The following CAPN15 variants were observed in gnomAD, a reference collection of about 807,000 sequenced individuals.
CAPN15 encodes the protein calpain-15.
CAPN15 carries 53 observed loss-of-function variants against 97.9 expected under a neutral mutation model. The ratio of observed to expected loss-of-function variants is 0.54; its 90% CI spans 0.43 to 0.68. The LOEUF (loss-of-function observed/expected upper bound fraction) is 0.68, where lower values mean the gene tolerates loss of function less well. Ranked by LOEUF, CAPN15 falls within the 30% of genes least tolerant of loss-of-function variation. CAPN15 has a pLI of 0.00. For synonymous variants in CAPN15, 922 were observed against 722.5 expected (o/e 1.28, Z -4.43); for missense variants, 1,592 against 1,589.8 (o/e 1.00, Z -0.02).
chr16:528,360 G>T (rs2033004196), intron 1 of CAPN15, among the ~76,000 whole-genome samples: 1 of 152,208 alleles, frequency 6.6e-6, no homozygotes, highest in South Asian at 2.1e-4. Flanking sequence ...GGCGGCCTCG[G>T]CCCTGCCTGC....
rs2079171732 is a variant in CAPN15, at chr16:547,236, A to C, written c.398A>C (p.Glu133Ala). ...GACAAGGACGAGGAGGAGAAGGAGGAGCAGGAGGAGGAGGAGGGAGCGGCG... is the reference window on the plus strand; with the variant it reads ...GACAAGGACGAGGAGGAGAAGGAGGCGCAGGAGGAGGAGGAGGGAGCGGCG... ...CEDKDEEEKE[E>A]QEEEEGAAEP... The change falls in exon 4 of 14, where the codon GAG (glutamate) becomes GCG (alanine). Residue 133 changes from glutamate (E) to alanine (A), a missense_variant. Glu to Ala is a moderately radical substitution (Grantham distance 107). Transcript: ENST00000219611. 1 of 1,518,834 alleles carries C rather than the reference A, an allele frequency of 6.6e-7. No individual in the cohort carries two copies. Among genetic ancestry groups the C allele is most frequent in the South Asian group, 1.3e-5 (1 of 79,584 alleles). 94.1% of individuals were successfully genotyped at this position (1,518,834 alleles called of 1,614,324 possible).
At position 553,673 on chromosome 16, in the gene CAPN15, C is replaced by G. The variant is rs2035269748; in HGVS notation, c.*157C>G. 3.7e-6 allele frequency: 2 copies of G among 536,246 alleles called. No individual in the cohort carries two copies. Among genetic ancestry groups the G allele is most frequent in the Non-Finnish European group, 6.5e-6 (2 of 309,306 alleles). 33.2% of individuals were successfully genotyped at this position (536,246 alleles called of 1,614,324 possible). A position where few individuals can be genotyped will look rare whatever the true frequency, so the allele number is the denominator to read the frequency against. The stretch of plus-strand genomic sequence containing the variant: ...GCTCAGCTTCCCATGGGCCCCCCGC[C>G]CCCCTCCTTCCCCTCCCTGAACCCC... On this transcript the variant is annotated 3_prime_UTR_variant, in exon 14 of 14. Transcript: ENST00000219611.
intron 5 of CAPN15, 26 bp downstream of exon 5, chr16:549,227 G>A (rs1488840577): frequency 3.2e-6 from 5 of 1,542,880 alleles, no homozygotes; most frequent in Non-Finnish European, 4.4e-6. Flanking sequence ...AGGCCGGGGT[G>A]GGGCGGGTGG....
At chr16:533,311 G>A (rs2033406662) in intron 1 of CAPN15, among the ~76,000 whole-genome samples, 1 of 152,264 alleles carries the variant, frequency 6.6e-6, no homozygotes, top group South Asian at 2.1e-4. Flanking sequence ...GGCCCAGGAA[G>A]GACAGGGCGG....
chr16:552,528 A>T lies in CAPN15; in HGVS notation c.2735A>T (p.Gln912Leu). ...CCCCTGCCGGGCACCCCTGCCCCCC[A>T]GGGTACGTGGCCCCTACCCCAGGCT... ...GPPLPGTPAPQASSPSAGVPR... is the reference protein window; with the variant it reads ...GPPLPGTPAPLASSPSAGVPR... The change falls in exon 11 of 14, where the codon CAG (glutamine) becomes CTG (leucine). Residue 912 changes from glutamine to leucine, a missense_variant and splice_region_variant. Physicochemically the swap from Gln to Leu is moderately radical, Grantham distance 113. Around this residue, in one of 3 missense-constraint regions of CAPN15, gnomAD observed 644 missense variants for 699.6 expected, o/e 0.92. Coordinates refer to ENST00000219611, the MANE Select transcript of CAPN15 (RefSeq NM_005632.3). The surrounding 1 kb of genome is among the most constrained non-coding windows in gnomAD (Gnocchi z 6.4). 3.8e-6 allele frequency: 6 copies of T among 1,597,748 alleles called. No individual in the cohort carries two copies. The highest frequency in any genetic ancestry group is 5.1e-6 in the Non-Finnish European group (6 of 1,176,392).
chr16:544,896 G>GT (rs1312295215), intron 3 of CAPN15, among the ~76,000 whole-genome samples: 1 of 119,336 alleles, frequency 8.4e-6, no homozygotes, highest in Non-Finnish European at 1.7e-5. Context: ...CTCCCCCCAC[G>GT]TCGTCGTCTC....
Position 547,584 on chromosome 16 carries a change from G to A in CAPN15, c.746G>A (p.Arg249His), listed in dbSNP as rs768437059. The A allele has an allele frequency of 7.0e-6, 11 of 1,579,480 alleles. 1 individual carries two copies. The highest frequency in any genetic ancestry group is 2.2e-5 in the South Asian group (2 of 90,022). ...AACAACCCCGTGCCGCGCAGCCGACGCGAGGTTCCCCCCCAGCTGCAGCCA... is the reference window on the plus strand; with the variant it reads ...AACAACCCCGTGCCGCGCAGCCGACACGAGGTTCCCCCCCAGCTGCAGCCA... ...LQNNPVPRSR[R>H]EVPPQLQPPV... Residue 249 changes from arginine to histidine, a missense_variant, in exon 4 of 14, where the codon CGC becomes CAC. Physicochemically the swap from Arg to His is conservative, Grantham distance 29. This residue lies in a region of CAPN15 where 883 missense variants were observed against 776.6 expected (regional missense o/e 1.14). Transcript: ENST00000219611.
intron 1 of CAPN15, among the ~76,000 whole-genome samples, chr16:529,092 G>T (rs1212176795): frequency 1.3e-5 from 2 of 151,792 alleles, no homozygotes; most frequent in Admixed American, 1.3e-4. Context: ...CTTGGGTTGG[G>T]TGTGCCTTGC....
chr16:542,929 T>TG (rs909046273), intron 3 of CAPN15, among the ~76,000 whole-genome samples: 1 of 152,100 alleles, frequency 6.6e-6, no homozygotes, highest in Non-Finnish European at 1.5e-5. Context: ...CGGGCACCTA[T>TG]AATCCTAGCT....
chr16:534,227 C>CCGTCGGGGCCGTGGTCCTGTCGTGGGAGG (rs1184343290), intron 2 of CAPN15, among the ~76,000 whole-genome samples: 1 of 152,344 alleles, frequency 6.6e-6, no homozygotes. Flanking sequence ...GCCCGGGGTC[C>CCGTCGGGGCCGTGGTCCTGTCGTGGGAGG]CGACAGGGGT....
intron 3 of CAPN15, among the ~76,000 whole-genome samples, chr16:541,354 G>A (rs768970887): frequency 1.4e-4 from 21 of 152,278 alleles, no homozygotes; most frequent in South Asian, 1.0e-3. Flanking sequence ...ACAGGGAGAC[G>A]CGGCAGAGGC....
intron 9 of CAPN15, 151 bp downstream of exon 9, chr16:551,815 C>G (rs1491003627): frequency 9.9e-6 from 11 of 1,107,278 alleles, no homozygotes; most frequent in Middle Eastern, 2.0e-4. Context: ...TCCAAGGTGC[C>G]AACCTCAGAA....
intron 7 of CAPN15, among the ~76,000 whole-genome samples, chr16:550,826 T>TCCCC (rs2034972933): frequency 4.7e-5 from 1 of 21,096 alleles, no homozygotes; most frequent in Non-Finnish European, 8.1e-5. Flanking sequence ...TCGGTGAGGG[T>TCCCC]GCCCCGTCGG....
chr16:538,054 C>G (rs2266931), intron 3 of CAPN15: 56,737 of 152,170 alleles, frequency 0.37, 10,771 homozygotes, highest in South Asian at 0.56. Context: ...GTCGCCAAGG[C>G]TTGTTTTGTC....
Position 551,591 on chromosome 16 carries a change from C to T in CAPN15, c.2272C>T (p.His758Tyr). 2 of 1,610,006 alleles carry T rather than the reference C, an allele frequency of 1.2e-6. No individual in the cohort carries two copies. The highest frequency in any genetic ancestry group is 8.5e-7 in the Non-Finnish European group (1 of 1,179,346). Residue 758 changes from histidine to tyrosine, a missense_variant, in exon 9 of 14, where the codon CAC becomes TAC. Coordinates refer to ENST00000219611, the MANE Select transcript of CAPN15 (RefSeq NM_005632.3). ...CGACGAGTGGCCACACTGGCCGGGG[C>T]ACCTGCGTGGCGAGCTCATGCCGCA... ...WSDEWPHWPGHLRGELMPHGS... is the reference protein window; with the variant it reads ...WSDEWPHWPGYLRGELMPHGS...
rs766983492 is a variant in CAPN15 at position 551,366 on chromosome 16, C to G, written c.2131C>G (p.Leu711Val). The G allele has an allele frequency of 4.0e-5, 65 of 1,610,182 alleles. No homozygotes were observed. The highest frequency in any genetic ancestry group is 5.0e-5 in the Non-Finnish European group (59 of 1,178,978). ...GGTGGACGATTCGGCCTACGAGAGC[C>G]TGGGCCTGCGCCCCCGGCATGCCTA... ...MKVDDSAYES[L>V]GLRPRHAYSI... The change falls in exon 8 of 14, where the codon CTG (leucine) becomes GTG (valine). Residue 711 changes from leucine to valine, a missense_variant. By Grantham distance (32) the Leu-to-Val change is conservative. Around this residue, in one of 3 missense-constraint regions of CAPN15, gnomAD observed 644 missense variants for 699.6 expected, o/e 0.92. Coordinates refer to ENST00000219611, the MANE Select transcript of CAPN15 (RefSeq NM_005632.3).
chr16:551,285 G>A lies in CAPN15; in HGVS notation c.2067-17G>A. On this transcript the variant is annotated splice_polypyrimidine_tract_variant and intron_variant, in intron 7 of 13. Transcript: ENST00000219611. ...TCGGTGAGGGTCCCGGTCGGTGAGG[G>A]CCGCTCTGCCACACAGGTTCCTCAT... is the stretch of plus-strand genomic sequence containing the variant. 1 of 1,578,796 alleles carries A rather than the reference G, an allele frequency of 6.3e-7. No homozygotes were observed. Among genetic ancestry groups the A allele is most frequent in the South Asian group, 1.1e-5 (1 of 87,290 alleles).
chr16:552,377 C>T lies in CAPN15; in HGVS notation c.2584C>T (p.His862Tyr), dbSNP rs201916775. ...CCGGGCCACGTTCGGCAGCGGCGGCCACCTCAGCCTGGGCCGCCTCCTGGC... is the reference window on the plus strand; with the variant it reads ...CCGGGCCACGTTCGGCAGCGGCGGCTACCTCAGCCTGGGCCGCCTCCTGGC... ...VFRATFGSGGHLSLGRLLAHS... is the reference protein window; with the variant it reads ...VFRATFGSGGYLSLGRLLAHS... Residue 862 changes from histidine to tyrosine, a missense_variant, in exon 11 of 14, where the codon CAC (histidine) becomes TAC (tyrosine). Physicochemically the swap from His to Tyr is moderately conservative, Grantham distance 83. This residue lies in a region of CAPN15 where 644 missense variants were observed against 699.6 expected (regional missense o/e 0.92). Coordinates refer to ENST00000219611, the MANE Select transcript of CAPN15 (RefSeq NM_005632.3). This position sits in a 1 kb window ranked among gnomAD's most constrained non-coding sequence, Gnocchi z 6.4. The T allele has an allele frequency of 2.6e-4, 422 of 1,603,256 alleles. No homozygotes were observed. The highest frequency in any genetic ancestry group is 3.8e-4 in the South Asian group (34 of 90,532).
chr16:548,308 C>A, intron 4 of CAPN15, 21 bp downstream of exon 4: 1 of 1,450,708 alleles, frequency 6.9e-7, no homozygotes, highest in Non-Finnish European at 9.1e-7. Context: ...CCCTCGCCCT[C>A]TTCCTGCTCC....
Sources: gnomAD v4.1 joint callset for allele counts (sites outside exome capture counted in the v4.1 genomes callset) on GRCh38, gnomAD v4.1.1 for gene constraint, gnomAD v4.1.1 regional missense constraint, Gnocchi (gnomAD v3.1) non-coding constraint, MANE v1.5 for transcripts, NCBI Gene and HGNC (gene_info 2026-07-23, HGNC 2026-07-21) for gene names.